NPAS3: variants seen among roughly 807,000 people sequenced by gnomAD.
NPAS3 encodes neuronal PAS domain protein 3.
A neutral mutation model predicts 73.1 loss-of-function variants in NPAS3; 14 were observed. The observed-to-expected ratio is 0.19, with a 90% CI of 0.13 to 0.30. The LOEUF is 0.30. Ranked by LOEUF, NPAS3 falls within the 10% of genes least tolerant of loss-of-function variation. The pLI, the probability that NPAS3 is intolerant of heterozygous loss-of-function variation, is 1.00. For missense variants in NPAS3, 1,096 were observed against 1,250.0 expected, an observed-to-expected ratio of 0.88 and a Z score of 1.86; for synonymous variants, 620 against 541.5, an observed-to-expected ratio of 1.14 and a Z score of -2.01.
chr14:33,004,790 A>G (rs2038930262), intron 1 of NPAS3, among the ~76,000 whole-genome samples: 2 of 136,482 alleles, frequency 1.5e-5, no homozygotes, highest in Admixed American at 7.2e-5. Flanking sequence ...GTATTCCATA[A>G]GCTTTTTTCT....
At chr14:33,030,442 A>C (rs563644335) in intron 1 of NPAS3, among the ~76,000 whole-genome samples, 1 of 152,310 alleles carries the variant, frequency 6.6e-6, no homozygotes, top group East Asian at 1.9e-4. Context: ...CTGCTTTAAA[A>C]ATGTTTAAAA....
At chr14:33,255,157 C>A (rs1361037169) in intron 3 of NPAS3, among the ~76,000 whole-genome samples, 1 of 152,092 alleles carries the variant, frequency 6.6e-6, no homozygotes, top group Non-Finnish European at 1.5e-5. Context: ...GCTAACATAG[C>A]AGGTTTGGAA....
chr14:33,765,253 T>C (rs971905740), intron 7 of NPAS3, among the ~76,000 whole-genome samples: 1 of 151,814 alleles, frequency 6.6e-6, no homozygotes, highest in African/African-American at 2.4e-5. Flanking sequence ...AATGTGGTTT[T>C]AAAAATAATT....
chr14:33,762,631 A>G (rs1306464942), intron 7 of NPAS3, among the ~76,000 whole-genome samples: 2 of 152,168 alleles, frequency 1.3e-5, no homozygotes, highest in African/African-American at 2.4e-5. Context: ...AGCAGCGGGA[A>G]TCAGTGGTAT....
rs71432096 is a variant in NPAS3 at position 32,962,569 on chromosome 14, CTTTTTTTTTTT to C, written c.50+23213_50+23223del. On this transcript the variant is annotated intron_variant, in intron 1 of 11. Transcript: ENST00000356141. Reference sequence around the variant, plus strand: ...TCTTTCTTTCTTTCTTTTTTCTTTTCTTTTTTTTTTTTTTTTTTTTGAGACTGGGTCTCGCT... The same window carrying C: ...TCTTTCTTTCTTTCTTTTTTCTTTTCTTTTTTTTTGAGACTGGGTCTCGCT... Among the ~76,000 whole-genome samples, 2 of 110,612 alleles carry C rather than the reference CTTTTTTTTTTT, an allele frequency of 1.8e-5. 1 individual carries two copies. The highest frequency in any genetic ancestry group is 2.0e-4 in the Admixed American group (2 of 10,252). 72.6% of individuals were successfully genotyped at this position (110,612 alleles called of 152,430 possible). A position where few individuals can be genotyped will look rare whatever the true frequency, so the allele number is the denominator to read the frequency against.
chr14:33,203,391 G>GTTA (rs1225011620), intron 2 of NPAS3, among the ~76,000 whole-genome samples: 1 of 151,976 alleles, frequency 6.6e-6, no homozygotes, highest in Non-Finnish European at 1.5e-5. Flanking sequence ...GTGCCAGTTA[G>GTTA]TTATGTATGT....
intron 5 of NPAS3, among the ~76,000 whole-genome samples, chr14:33,570,451 A>C (rs76803787): frequency 0.097 from 14,809 of 152,246 alleles, 786 homozygotes; most frequent in Middle Eastern, 0.18. Context: ...TGAGGACAGA[A>C]GATGCAAATT....
chr14:33,042,944 GA>G (rs1296201889), intron 1 of NPAS3, among the ~76,000 whole-genome samples: 2 of 152,092 alleles, frequency 1.3e-5, no homozygotes, highest in African/African-American at 4.8e-5. Context: ...GACCTTGAAA[GA>G]AACTGAAAAT....
intron 1 of NPAS3, among the ~76,000 whole-genome samples, chr14:33,026,894 T>C (rs1193135314): frequency 2.0e-5 from 3 of 152,192 alleles, no homozygotes; most frequent in East Asian, 3.9e-4. Flanking sequence ...TTTCCCTTTT[T>C]TCCCCCTGTT....
chr14:33,112,404 A>C (rs932185473), intron 2 of NPAS3, among the ~76,000 whole-genome samples: 1 of 152,112 alleles, frequency 6.6e-6, no homozygotes, highest in Admixed American at 6.5e-5. Flanking sequence ...TTTGATTTGC[A>C]TTTCTCTGAT....
At chr14:33,392,846 C>T (rs2047066695) in intron 4 of NPAS3, among the ~76,000 whole-genome samples, 2 of 152,058 alleles carry the variant, frequency 1.3e-5, no homozygotes, top group Non-Finnish European at 2.9e-5. Context: ...TTTTCTTCCT[C>T]TGCTATCCCA....
At chr14:33,421,137 C>T (rs888118939) in intron 4 of NPAS3, among the ~76,000 whole-genome samples, 2 of 151,824 alleles carry the variant, frequency 1.3e-5, no homozygotes, top group Non-Finnish European at 2.9e-5. Flanking sequence ...CAAGGAGACG[C>T]TGGATTTGTA....
intron 2 of NPAS3, among the ~76,000 whole-genome samples, chr14:33,108,127 A>C (rs1261662005): frequency 6.6e-6 from 1 of 152,142 alleles, no homozygotes; most frequent in Non-Finnish European, 1.5e-5. Flanking sequence ...TATGTGCAAA[A>C]AAGCAAAAAA....
intron 5 of NPAS3, among the ~76,000 whole-genome samples, chr14:33,640,295 C>G (rs549807552): frequency 6.6e-6 from 1 of 152,222 alleles, no homozygotes; most frequent in East Asian, 1.9e-4. Flanking sequence ...ACCCATCTCT[C>G]AGGCAAATCA....
At chr14:32,971,214 A>G (rs2037409141) in intron 1 of NPAS3, among the ~76,000 whole-genome samples, 1 of 151,506 alleles carries the variant, frequency 6.6e-6, no homozygotes, top group Admixed American at 6.6e-5. Context: ...CCTCTGGAGT[A>G]GCTGGGATTA....
intron 5 of NPAS3, among the ~76,000 whole-genome samples, chr14:33,591,548 T>C (rs1285195520): frequency 6.6e-6 from 1 of 152,178 alleles, no homozygotes; most frequent in Non-Finnish European, 1.5e-5. Flanking sequence ...AAAGCAGAAT[T>C]CCTAAAAGGT....
At chr14:33,136,213 A>C (rs999681617) in intron 2 of NPAS3, among the ~76,000 whole-genome samples, 1 of 151,452 alleles carries the variant, frequency 6.6e-6, no homozygotes, top group Non-Finnish European at 1.5e-5. Flanking sequence ...GGCGCACACC[A>C]CCACGCCCAG....
At chr14:33,704,668 C>A (rs531391556) in intron 6 of NPAS3, among the ~76,000 whole-genome samples, 41 of 152,224 alleles carry the variant, frequency 2.7e-4, no homozygotes, top group Middle Eastern at 3.4e-3. Flanking sequence ...CAACACCTTT[C>A]CACATGACTA....
chr14:33,444,587 G>A (rs767457166), intron 4 of NPAS3, among the ~76,000 whole-genome samples: 5 of 152,194 alleles, frequency 3.3e-5, no homozygotes, highest in Admixed American at 2.0e-4. Flanking sequence ...CCTGACCAGC[G>A]TCACTGGAGG....
Sources: allele counts gnomAD v4.1 joint callset (sites outside exome capture counted in the v4.1 genomes callset), GRCh38; gene constraint gnomAD v4.1.1; transcripts MANE v1.5; gene names NCBI Gene and HGNC (gene_info 2026-07-23, HGNC 2026-07-21).